Variants in PDCD6 observed in about 807,000 individuals in gnomAD.
PDCD6 encodes the protein programmed cell death protein 6.
A neutral mutation model predicts 28.3 loss-of-function variants in PDCD6; 12 were observed. That is an observed-to-expected ratio of 0.42 (90% confidence interval 0.27 to 0.69). PDCD6 has a LOEUF of 0.69. PDCD6 is among the 30% of genes least tolerant of loss of function. The pLI is 0.22. For missense variants in PDCD6, 226 were observed against 269.9 expected, an observed-to-expected ratio of 0.84 and a Z score of 1.14; for synonymous variants, 92 against 108.0, an observed-to-expected ratio of 0.85 and a Z score of 0.92.
intron 2 of PDCD6, among the ~76,000 whole-genome samples, chr5:297,020 G>A (rs925915391): frequency 6.6e-6 from 1 of 152,218 alleles, no homozygotes; most frequent in Non-Finnish European, 1.5e-5. Flanking sequence ...ATCCGCACAA[G>A]TGCCTCAGGA....
intron 5 of PDCD6, among the ~76,000 whole-genome samples, chr5:313,468 T>A (rs912944288): frequency 5.3e-5 from 7 of 132,458 alleles, no homozygotes; most frequent in African/African-American, 1.2e-4. Context: ...TGCAGGGTTG[T>A]TTTTTTTTCT....
chr5:288,455 GAC>G (rs1296577902), intron 2 of PDCD6, among the ~76,000 whole-genome samples: 1 of 151,180 alleles, frequency 6.6e-6, no homozygotes, highest in Non-Finnish European at 1.5e-5. Context: ...ATCAGAAAGA[GAC>G]AAGACAAAAA....
intron 2 of PDCD6, among the ~76,000 whole-genome samples, chr5:281,287 C>T (rs1738547158): frequency 6.6e-6 from 1 of 152,222 alleles, no homozygotes; most frequent in Non-Finnish European, 1.5e-5. Flanking sequence ...CAGGGAGGGT[C>T]TTGGGGCTGA....
intron 2 of PDCD6, among the ~76,000 whole-genome samples, chr5:294,631 T>C (rs1739492614): frequency 6.6e-6 from 1 of 152,228 alleles, no homozygotes; most frequent in African/African-American, 2.4e-5. Flanking sequence ...TGGAAAGTGG[T>C]CCGGGAGTTT....
rs954988976 is a variant in PDCD6 at position 294,946 on chromosome 5, G to T, written c.164-9231G>T. ...CGGTGCGCACAGGCCGAGGGATGCC[G>T]CCACGTGACATCTTGGAGAAGACAG... On this transcript the variant is annotated intron_variant, in intron 2 of 5. Transcript: ENST00000264933. Among the ~76,000 whole-genome samples the T allele has an allele frequency of 2.0e-5, 3 of 152,118 alleles. No homozygotes were observed. In the South Asian group the frequency reaches 6.2e-4, roughly 32 times the overall value.
intron 3 of PDCD6, chr5:306,385 G>A (rs1740483585): frequency 3.7e-6 from 2 of 547,048 alleles, no homozygotes; most frequent in African/African-American, 1.9e-5. Flanking sequence ...AGGGGGTCAG[G>A]GCTGGGGGAC....
intron 2 of PDCD6, among the ~76,000 whole-genome samples, chr5:286,884 G>A (rs549251863): frequency 6.6e-6 from 1 of 152,332 alleles, no homozygotes; most frequent in East Asian, 1.9e-4. Context: ...GATGTCTTAG[G>A]TTGTGGAGCT....
chr5:284,131 G>A (rs866235610), intron 2 of PDCD6, among the ~76,000 whole-genome samples: 1 of 151,800 alleles, frequency 6.6e-6, no homozygotes, highest in South Asian at 2.1e-4. Flanking sequence ...AGGAGCTGAT[G>A]TTCTAATTTG....
intron 4 of PDCD6, 31 bp from the exon 5 acceptor site, chr5:311,262 C>A: frequency 6.4e-7 from 1 of 1,554,680 alleles, no homozygotes; most frequent in Non-Finnish European, 8.9e-7. Flanking sequence ...TCTCTCCCAG[C>A]CTTCTCTGAC....
intron 2 of PDCD6, among the ~76,000 whole-genome samples, chr5:297,772 A>G (rs1739711576): frequency 6.6e-6 from 1 of 152,200 alleles, no homozygotes; most frequent in Non-Finnish European, 1.5e-5. Flanking sequence ...TGGGGCTCAC[A>G]TTCTTCATTC....
In PDCD6 at chr5:290,144, T is replaced by C. The variant is rs1739230925; in HGVS notation, c.164-14033T>C. The C allele has an allele frequency of 3.1e-6, 5 of 1,589,160 alleles. No homozygotes were observed. The South Asian group carries it at 4.4e-5, about 14-fold the overall frequency. ...CCTCTTGGCTCAGGAGCTGAAGTTC[T>C]GAAATCATCCATCACTTTCTCCAGT... On this transcript the variant is annotated intron_variant, in intron 2 of 5. Transcript: ENST00000264933.
chr5:281,356 C>G (rs1438282247), intron 2 of PDCD6, among the ~76,000 whole-genome samples: 1 of 152,016 alleles, frequency 6.6e-6, no homozygotes, highest in Admixed American at 6.6e-5. Context: ...GGAGATGGAG[C>G]CTTGGGGAGG....
intron 4 of PDCD6, chr5:308,385 C>T (rs563935444): frequency 3.9e-5 from 6 of 152,326 alleles, no homozygotes; most frequent in East Asian, 3.9e-4. Flanking sequence ...CGGCCGGTCA[C>T]GCAGCCTTCC....
chr5:289,600 C>T (rs1739193878), intron 2 of PDCD6: 13 of 996,956 alleles, frequency 1.3e-5, no homozygotes, highest in Non-Finnish European at 2.1e-5. Flanking sequence ...TACCTCATGC[C>T]CCTCAGCTTC....
At chr5:301,243 A>G (rs1390960985) in intron 2 of PDCD6, among the ~76,000 whole-genome samples, 1 of 152,182 alleles carries the variant, frequency 6.6e-6, no homozygotes, top group East Asian at 1.9e-4. Flanking sequence ...GGAGGCTTCC[A>G]GGGGCTTTGG....
At chr5:299,826 GGC>G (rs1739933034) in intron 2 of PDCD6, among the ~76,000 whole-genome samples, 1 of 152,110 alleles carries the variant, frequency 6.6e-6, no homozygotes, top group Non-Finnish European at 1.5e-5. Context: ...TGGGATTACA[GGC>G]GCCAGCCACC....
intron 2 of PDCD6, among the ~76,000 whole-genome samples, chr5:300,030 C>T (rs1739954543): frequency 6.6e-6 from 1 of 152,236 alleles, no homozygotes; most frequent in Admixed American, 6.5e-5. Flanking sequence ...GTATTTATTG[C>T]CCCTGGTGAT....
chr5:310,950 A>G (rs1201193650), intron 4 of PDCD6: 2 of 267,644 alleles, frequency 7.5e-6, no homozygotes, highest in Non-Finnish European at 7.1e-6. Context: ...GGGTTCAGGA[A>G]ACTGAGTGTG....
At chr5:301,632 G>C (rs1740057886) in intron 2 of PDCD6, among the ~76,000 whole-genome samples, 1 of 151,932 alleles carries the variant, frequency 6.6e-6, no homozygotes, top group Non-Finnish European at 1.5e-5. Flanking sequence ...ACCTGCCTTT[G>C]TGGGGAGAGC....
Sources: allele counts gnomAD v4.1 joint callset (sites outside exome capture counted in the v4.1 genomes callset), GRCh38; gene constraint gnomAD v4.1.1; transcripts MANE v1.5; gene names NCBI Gene and HGNC (gene_info 2026-07-23, HGNC 2026-07-21).